The following ZDHHC16 variants were observed in gnomAD, a reference collection of about 807,000 sequenced individuals.
ZDHHC16 encodes the protein zDHHC palmitoyltransferase 16.
In ZDHHC16, 33 loss-of-function variants were observed where a neutral mutation model predicts 54.4. The ratio of observed to expected loss-of-function variants is 0.61; its 90% confidence interval spans 0.46 to 0.81. The LOEUF is 0.81. ZDHHC16 is among the 30% of genes least tolerant of loss of function. ZDHHC16 has a pLI of 0.00. For missense variants in ZDHHC16, 420 were observed against 485.9 expected, an observed-to-expected ratio of 0.86 and a Z score of 1.28; for synonymous variants, 185 against 182.1, an observed-to-expected ratio of 1.02 and a Z score of -0.13.
chr10:97,455,689 C>T lies in ZDHHC16; in HGVS notation c.854C>T (p.Thr285Ile). 6.2e-7 allele frequency: 1 copy of T among 1,614,226 alleles called. No individual in the cohort carries two copies. The highest frequency in any genetic ancestry group is 8.5e-7 in the Non-Finnish European group (1 of 1,180,052). The change falls in exon 10 of 12, where the codon ACT becomes ATT. Residue 285 changes from threonine to isoleucine, a missense_variant. By Grantham distance (89) the Thr-to-Ile change is moderately conservative. Coordinates refer to ENST00000393760, the MANE Select transcript of ZDHHC16 (RefSeq NM_198046.3). ...GTGGCACTTGCCCTGGGTGCCCTAA[C>T]TGTATGGCATGCTGTTCTCATCAGT... ...SSVALALGAL[T>I]VWHAVLISRG...
intron 6 of ZDHHC16, 67 bp downstream of exon 6, chr10:97,452,990 G>A: frequency 1.9e-6 from 3 of 1,603,210 alleles, no homozygotes; most frequent in African/African-American, 1.3e-5. Context: ...AGGGTTAATG[G>A]CCACCATTTT....
chr10:97,451,763 C>T lies in ZDHHC16; in HGVS notation c.88C>T (p.Pro30Ser), dbSNP rs1451126413. 6 of 1,613,990 alleles carry T rather than the reference C, an allele frequency of 3.7e-6. No homozygotes were observed. Among genetic ancestry groups the T allele is most frequent in the Admixed American group, 1.7e-5 (1 of 60,012 alleles). ...GCTGGGTTACAGGCGCCGCTGTCCACCTCTACTCCGGGGTCTAGTACAGCG... is the reference window on the plus strand; with the variant it reads ...GCTGGGTTACAGGCGCCGCTGTCCATCTCTACTCCGGGGTCTAGTACAGCG... ...LLLGYRRRCPPLLRGLVQRWR... is the reference protein window; with the variant it reads ...LLLGYRRRCPSLLRGLVQRWR... The change falls in exon 3 of 12, where the codon CCT becomes TCT. Residue 30 changes from proline (P) to serine (S), a missense_variant. By Grantham distance (74) the Pro-to-Ser change is moderately conservative (BLOSUM62 -1). Transcript: ENST00000393760.
intron 1 of ZDHHC16, among the ~76,000 whole-genome samples, chr10:97,448,772 A>G (rs982717445): frequency 1.3e-5 from 2 of 152,090 alleles, no homozygotes; most frequent in African/African-American, 4.8e-5. Flanking sequence ...ACAAACAAAA[A>G]AAGTGTTTAT....
intron 1 of ZDHHC16, among the ~76,000 whole-genome samples, chr10:97,449,605 T>C (rs1846408922): frequency 1.3e-5 from 2 of 152,194 alleles, no homozygotes; most frequent in Non-Finnish European, 2.9e-5. Flanking sequence ...CTTGGCTCAC[T>C]GCAACCTCCA....
Position 97,452,158 on chromosome 10 carries a change from T to C in ZDHHC16, c.312T>C (p.Pro104=). 6.2e-7 allele frequency: 1 copy of C among 1,614,120 alleles called. No individual in the cohort carries two copies. The highest frequency in any genetic ancestry group is 8.5e-7 in the Non-Finnish European group (1 of 1,180,030). ...CTATCGCCTACCTGTGTGTCCTGCC[T>C]CTCATCCTCCGAACCTACTCAGTGC... ...IVAIAYLCVL[P]LILRTYSVPR... is the part of the protein sequence containing the mutation. Residue 104 remains proline (P), a synonymous_variant, in exon 4 of 12, where the codon CCT becomes CCC. Transcript: ENST00000393760.
rs540078147 is a variant in ZDHHC16, at chr10:97,451,793, C to T, written c.118C>T (p.Arg40Cys). 1.7e-5 allele frequency: 27 copies of T among 1,614,180 alleles called. No individual in the cohort carries two copies. The highest frequency in any genetic ancestry group is 6.7e-5 in the African/African-American group (5 of 75,060). The change falls in exon 3 of 12, where the codon CGC becomes TGC. Residue 40 changes from arginine to cysteine, a missense_variant. By Grantham distance (180) the Arg-to-Cys change is radical. Coordinates refer to ENST00000393760, the MANE Select transcript of ZDHHC16 (RefSeq NM_198046.3). Reference protein sequence around the residue: ...PLLRGLVQRWRYGKVCLRSLL... With the variant: ...PLLRGLVQRWCYGKVCLRSLL... ...ACTCCGGGGTCTAGTACAGCGCTGG[C>T]GCTACGGCAAGGTCTGCCTGCGCTC...
intron 10 of ZDHHC16, 33 bp downstream of exon 10, chr10:97,455,816 T>G (rs1295666066): frequency 1.9e-6 from 3 of 1,608,648 alleles, no homozygotes; most frequent in Non-Finnish European, 2.6e-6. Context: ...GGTGGGTAGG[T>G]GGGTAACTGA....
At chr10:97,452,997 T>C in intron 6 of ZDHHC16, 74 bp downstream of exon 6, 2 of 1,588,112 alleles carry the variant, frequency 1.3e-6, no homozygotes, top group South Asian at 2.2e-5. Flanking sequence ...ATGGCCACCA[T>C]TTTAGCATCA....
At chr10:97,449,732 G>A (rs1242498323) in intron 1 of ZDHHC16, among the ~76,000 whole-genome samples, 9 of 152,150 alleles carry the variant, frequency 5.9e-5, no homozygotes, top group Admixed American at 4.6e-4. Context: ...GTTTCACCAC[G>A]TTGGCCAGGC....
At chr10:97,447,996 C>G (rs938901892) in intron 1 of ZDHHC16, among the ~76,000 whole-genome samples, 16 of 152,054 alleles carry the variant, frequency 1.1e-4, no homozygotes, top group Admixed American at 1.0e-3. Flanking sequence ...TTCCTGGCAT[C>G]CCATACCCCA....
rs35173837 is a variant in ZDHHC16 at position 97,449,861 on chromosome 10, C to CTTTTTTT, written c.-185-481_-185-475dup. 9.6e-4 allele frequency among the ~76,000 whole-genome samples: 78 copies of CTTTTTTT among 81,524 alleles called. 6 individuals carry two copies. Among genetic ancestry groups the CTTTTTTT allele is most frequent in the African/African-American group, 3.5e-3 (59 of 17,018 alleles). The allele number at this position is 81,524 out of a possible 152,430, so 53.5% of individuals were successfully genotyped here. A position where few individuals can be genotyped will look rare whatever the true frequency, so the allele number is the denominator to read the frequency against. On this transcript the variant is annotated intron_variant, in intron 1 of 11. Coordinates refer to ENST00000393760, the MANE Select transcript of ZDHHC16 (RefSeq NM_198046.3). Reference sequence around the variant, plus strand: ...TCTCTTTTCTACACTCCCCTTAATTCTTTTTTTTTTTTTTTTTTTTTGAGA... The same window carrying CTTTTTTT: ...TCTCTTTTCTACACTCCCCTTAATTCTTTTTTTTTTTTTTTTTTTTTTTTTTTTGAGA...
intron 8 of ZDHHC16, 92 bp downstream of exon 8, chr10:97,453,938 T>G: frequency 6.4e-7 from 1 of 1,568,748 alleles, no homozygotes; most frequent in Non-Finnish European, 8.7e-7. Flanking sequence ...CATGTAGTTG[T>G]AGAGGCTGCC....
chr10:97,446,215 C>T lies in ZDHHC16; in HGVS notation c.-324C>T, dbSNP rs1846000008. 3.1e-6 allele frequency: 2 copies of T among 635,918 alleles called. No individual in the cohort carries two copies. The highest frequency in any genetic ancestry group is 5.4e-6 in the Non-Finnish European group (2 of 367,958). 39.4% of individuals were successfully genotyped at this position (635,918 alleles called of 1,614,324 possible). On this transcript the variant is annotated 5_prime_UTR_variant, in exon 1 of 12. Coordinates refer to ENST00000393760, the MANE Select transcript of ZDHHC16 (RefSeq NM_198046.3). ...CTGGCGGCGGGTCCGGGTCCGCTGC[C>T]TGGCGCTGCGGGCGGCGGGCCATGG...
At chr10:97,454,588 A>G (rs1307806635) in intron 8 of ZDHHC16, 126 bp from the exon 9 acceptor site, 6 of 853,444 alleles carry the variant, frequency 7.0e-6, no homozygotes, top group Non-Finnish European at 1.1e-5. Context: ...TGCTACCCTA[A>G]CTCCTCTGTG....
chr10:97,456,634 G>T, intron 11 of ZDHHC16, 143 bp from the exon 12 acceptor site: 3 of 593,576 alleles, frequency 5.1e-6, no homozygotes, highest in Non-Finnish European at 8.7e-6. Flanking sequence ...ATAAAATTGG[G>T]TAGCAGAAAT....
chr10:97,457,013 T>TAC lies in ZDHHC16; in HGVS notation c.*123_*124dup. On this transcript the variant is annotated 3_prime_UTR_variant, in exon 12 of 12. Transcript: ENST00000393760. ...AAGAGCCAGTGGGCCTGCCTTAGGG[T>TAC]ACCATGCAGGACAATTCAAGGACCA... The TAC allele has an allele frequency of 2.9e-6, 2 of 688,176 alleles. No individual in the cohort carries two copies. Among genetic ancestry groups the TAC allele is most frequent in the Non-Finnish European group, 4.7e-6 (2 of 429,592 alleles). 42.6% of individuals were successfully genotyped at this position (688,176 alleles called of 1,614,324 possible).
In ZDHHC16 at chr10:97,454,645, T is replaced by C. The variant is rs1846988996; in HGVS notation, c.739-69T>C. On this transcript the variant is annotated intron_variant, in intron 8 of 11. Transcript: ENST00000393760. Reference sequence around the variant, plus strand: ...CTGGATTTGGATCATTTCCTGCCTATAGGTGCTGGGGGCAGTTGCTGGAGA... The same window carrying C: ...CTGGATTTGGATCATTTCCTGCCTACAGGTGCTGGGGGCAGTTGCTGGAGA... The C allele has an allele frequency of 1.8e-5, 24 of 1,364,918 alleles. No individual in the cohort carries two copies. In the South Asian group the frequency reaches 2.5e-4, roughly 14 times the overall value. The allele number at this position is 1,364,918 out of a possible 1,614,324, so 84.6% of individuals were successfully genotyped here.
In ZDHHC16 at chr10:97,453,835, G is replaced by A. The variant is rs370825028; in HGVS notation, c.727G>A (p.Val243Ile). The A allele has an allele frequency of 1.2e-6, 2 of 1,614,224 alleles. No homozygotes were observed. Among genetic ancestry groups the A allele is most frequent in the Non-Finnish European group, 1.7e-6 (2 of 1,180,052 alleles). ...KQLDKNKLQA[V>I]ANQTYHQTPP... ...GCTCGACAAGAACAAACTACAGGCG[G>A]TTGCCAACCAGGTGGGCTGTCCCCA... Residue 243 changes from valine (V) to isoleucine (I), a missense_variant, in exon 8 of 12, where the codon GTT (valine) becomes ATT (isoleucine). Transcript: ENST00000393760.
At chr10:97,449,727 A>G (rs9943296) in intron 1 of ZDHHC16, among the ~76,000 whole-genome samples, 6,073 of 152,000 alleles carry the variant, frequency 0.04, 253 homozygotes, top group African/African-American at 0.1. Context: ...ACAGTGTTTC[A>G]CCACGTTGGC....
Sources: gnomAD v4.1 joint callset for allele counts (sites outside exome capture counted in the v4.1 genomes callset) on GRCh38, gnomAD v4.1.1 for gene constraint, MANE v1.5 for transcripts, NCBI Gene and HGNC (gene_info 2026-07-23, HGNC 2026-07-21) for gene names.